The following DLC1 variants were observed in gnomAD, a reference collection of about 807,000 sequenced individuals.
The protein encoded by DLC1 is rho GTPase-activating protein 7.
In DLC1, 54 loss-of-function variants were observed where a neutral mutation model predicts 140.3. The ratio of observed to expected loss-of-function variants is 0.38; its 90% CI spans 0.31 to 0.48. The LOEUF (loss-of-function observed/expected upper bound fraction) is 0.48, where lower values mean the gene tolerates loss of function less well. Among genes scored for constraint, DLC1 ranks in the 20% least tolerant of loss-of-function variants. The pLI is 0.96. For synonymous variants in DLC1, 986 were observed against 728.1 expected (o/e 1.35, Z -5.70); for missense variants, 2,536 against 1,907.0 (o/e 1.33, Z -6.14).
At chr8:13,595,659 T>C (rs922946032) in intron 1 of DLC1, among the ~76,000 whole-genome samples, 1 of 152,036 alleles carries the variant, frequency 6.6e-6, no homozygotes, top group Non-Finnish European at 1.5e-5. Flanking sequence ...TGGTAACTAC[T>C]AGAGATACAT....
intron 5 of DLC1, among the ~76,000 whole-genome samples, chr8:13,129,615 C>A (rs1266061693): frequency 6.6e-6 from 1 of 152,176 alleles, no homozygotes; most frequent in African/African-American, 2.4e-5. Context: ...GATCCCAACT[C>A]ATGTAATTCA....
chr8:13,150,991 A>G (rs1223126514), intron 5 of DLC1, among the ~76,000 whole-genome samples: 1 of 152,224 alleles, frequency 6.6e-6, no homozygotes. Context: ...AGTGTCTTGG[A>G]TAAGAGATGT....
chr8:13,273,320 A>G (rs1831022203), intron 5 of DLC1, among the ~76,000 whole-genome samples: 1 of 152,198 alleles, frequency 6.6e-6, no homozygotes, highest in South Asian at 2.1e-4. Context: ...AACCACTGTC[A>G]TCCTCAAAGT....
At chr8:13,467,782 C>T (rs1194555375) in intron 2 of DLC1, among the ~76,000 whole-genome samples, 17 of 152,256 alleles carry the variant, frequency 1.1e-4, no homozygotes, top group Non-Finnish European at 1.5e-5. Context: ...ACTTTTTCTG[C>T]ATCTCTTCAT....
intron 5 of DLC1, among the ~76,000 whole-genome samples, chr8:13,204,599 T>C (rs1827563113): frequency 6.6e-6 from 1 of 152,222 alleles, no homozygotes; most frequent in African/African-American, 2.4e-5. Context: ...CAGTAAAATA[T>C]TTTATTGAGC....
intron 5 of DLC1, among the ~76,000 whole-genome samples, chr8:13,257,653 T>A (rs925120179): frequency 2.0e-5 from 3 of 152,002 alleles, no homozygotes; most frequent in Non-Finnish European, 4.4e-5. Context: ...ATTTCCTGAT[T>A]ACATCAAGAG....
At chr8:13,278,180 G>A (rs1831243188) in intron 5 of DLC1, among the ~76,000 whole-genome samples, 1 of 152,208 alleles carries the variant, frequency 6.6e-6, no homozygotes. Context: ...GAGAATGCAT[G>A]CTAACTGCTG....
chr8:13,568,931 T>C (rs759114243), intron 1 of DLC1, among the ~76,000 whole-genome samples: 3 of 152,180 alleles, frequency 2.0e-5, no homozygotes, highest in Non-Finnish European at 2.9e-5. Context: ...CCTTGAAATA[T>C]TTAGCTGTAA....
intron 5 of DLC1, among the ~76,000 whole-genome samples, chr8:13,132,233 G>GTC (rs1442209623): frequency 6.6e-6 from 1 of 151,592 alleles, no homozygotes; most frequent in Non-Finnish European, 1.5e-5. Context: ...GTGTGTGTGT[G>GTC]TGTGTGTGTT....
intron 1 of DLC1, among the ~76,000 whole-genome samples, chr8:13,531,974 C>G (rs993393283): frequency 6.6e-6 from 1 of 152,218 alleles, no homozygotes; most frequent in African/African-American, 2.4e-5. Flanking sequence ...GCAAGACTCT[C>G]CGCTCCCGGC....
intron 1 of DLC1, among the ~76,000 whole-genome samples, chr8:13,529,659 A>G (rs913561502): frequency 6.6e-6 from 1 of 152,294 alleles, no homozygotes; most frequent in African/African-American, 2.4e-5. Flanking sequence ...ATTCCTTGCA[A>G]CTGAGAGAGA....
In DLC1 at chr8:13,362,776, C is replaced by T. The variant is rs141465073; in HGVS notation, c.1314+30777G>A. ...GGCCCCTTCCCGTTCTCTAAGCATT[C>T]TACTGTCTTTCCTGTCTCAGGGCCT... On this transcript the variant is annotated intron_variant, in intron 4 of 17. Coordinates refer to ENST00000276297, the MANE Select transcript of DLC1 (RefSeq NM_182643.3). Among the ~76,000 whole-genome samples the T allele has an allele frequency of 8.1e-3, 1,241 of 152,300 alleles. 12 individuals carry two copies. Among genetic ancestry groups the T allele is most frequent in the Non-Finnish European group, 0.012 (793 of 68,028 alleles).
chr8:13,382,265 T>A (rs971189406), intron 4 of DLC1, among the ~76,000 whole-genome samples: 3 of 151,596 alleles, frequency 2.0e-5, no homozygotes, highest in African/African-American at 7.3e-5. Flanking sequence ...CCCAGCACTT[T>A]GGGAGGCCGA....
At chr8:13,259,442 A>T (rs546721997) in intron 5 of DLC1, among the ~76,000 whole-genome samples, 1 of 152,248 alleles carries the variant, frequency 6.6e-6, no homozygotes, top group Non-Finnish European at 1.5e-5. Context: ...GCCTTGGAAG[A>T]GTCAATGCAA....
chr8:13,524,571 T>C (rs12234951), intron 1 of DLC1, among the ~76,000 whole-genome samples: 38,821 of 152,130 alleles, frequency 0.26, 6,180 homozygotes, highest in Middle Eastern at 0.37. Flanking sequence ...CATGATTTTT[T>C]ATCTAATACC....
At position 13,417,657 on chromosome 8, in the gene DLC1, G is replaced by A. The variant is rs186727892; in HGVS notation, c.1024-16038C>T. On this transcript the variant is annotated intron_variant, in intron 2 of 17. Coordinates refer to ENST00000276297, the MANE Select transcript of DLC1 (RefSeq NM_182643.3). ...CCAAGTCTTTGCTATTGTGAATAGT[G>A]CCGCAATAAACATACGTCTGCATGT... Among the ~76,000 whole-genome samples the A allele has an allele frequency of 9.4e-3, 1,433 of 152,178 alleles. 15 individuals carry two copies. Among genetic ancestry groups the A allele is most frequent in the Non-Finnish European group, 0.015 (995 of 68,014 alleles).
chr8:13,263,473 ATTAC>A (rs1295553019), intron 5 of DLC1, among the ~76,000 whole-genome samples: 1 of 151,968 alleles, frequency 6.6e-6, no homozygotes, highest in Non-Finnish European at 1.5e-5. Context: ...AATATTACTT[ATTAC>A]TTACTTGTGT....
chr8:13,562,048 T>C (rs766194582), intron 1 of DLC1, among the ~76,000 whole-genome samples: 6 of 151,972 alleles, frequency 3.9e-5, no homozygotes, highest in Admixed American at 2.6e-4. Context: ...AAAAAGGAGA[T>C]AGAACAGGGG....
chr8:13,336,852 C>G (rs773132858), intron 4 of DLC1, among the ~76,000 whole-genome samples: 1 of 151,418 alleles, frequency 6.6e-6, no homozygotes, highest in Non-Finnish European at 1.5e-5. Context: ...TGATGGTAAC[C>G]CAGGGAAACA....
Sources: allele counts gnomAD v4.1 joint callset (sites outside exome capture counted in the v4.1 genomes callset), GRCh38; gene constraint gnomAD v4.1.1; transcripts MANE v1.5; gene names NCBI Gene and HGNC (gene_info 2026-07-23, HGNC 2026-07-21).